Variants in FRYL observed in about 807,000 individuals in gnomAD.
FRYL encodes FRY like transcription coactivator, also known as protein furry homolog-like.
In FRYL, 150 loss-of-function variants were observed where a neutral mutation model predicts 351.2. The observed-to-expected ratio is 0.43, with a 90% confidence interval of 0.37 to 0.49. The LOEUF (loss-of-function observed/expected upper bound fraction) is 0.49, where lower values mean the gene tolerates loss of function less well. Among genes scored for constraint, FRYL ranks in the 20% least tolerant of loss-of-function variants. The pLI, the probability that FRYL is intolerant of heterozygous loss-of-function variation, is 0.00. For synonymous variants in FRYL, 1,153 were observed against 1,257.1 expected (o/e 0.92, Z 1.75); for missense variants, 3,036 against 3,619.3 (o/e 0.84, Z 4.13).
intron 1 of FRYL, among the ~76,000 whole-genome samples, chr4:48,761,514 G>A (rs1426296986): frequency 1.3e-5 from 2 of 152,002 alleles, no homozygotes; most frequent in Non-Finnish European, 2.9e-5. Flanking sequence ...AATATCCTAG[G>A]CCCTCAGATT....
Position 48,622,706 on chromosome 4 carries a change from C to T in FRYL, c.174+420G>A, listed in dbSNP as rs571573352. Among the ~76,000 whole-genome samples the T allele has an allele frequency of 8.0e-4, 121 of 151,900 alleles. 1 individual carries two copies. Among genetic ancestry groups the T allele is most frequent in the Non-Finnish European group, 8.8e-5 (6 of 67,942 alleles). On this transcript the variant is annotated intron_variant, in intron 5 of 63. Coordinates refer to ENST00000358350, the MANE Select transcript of FRYL (RefSeq NM_015030.2). ...AACAAAATTGATCCAACATTTAATC[C>T]AAGCAAGAGGAAGAATTAGCATTAG... is the stretch of plus-strand genomic sequence containing the variant.
At chr4:48,661,807 C>A (rs1335954000) in intron 3 of FRYL, among the ~76,000 whole-genome samples, 2 of 151,782 alleles carry the variant, frequency 1.3e-5, no homozygotes, top group African/African-American at 4.8e-5. Context: ...TTGATAGGTT[C>A]TTTAAACGGC....
intron 9 of FRYL, among the ~76,000 whole-genome samples, chr4:48,607,983 T>C (rs1006668792): frequency 6.6e-6 from 1 of 152,164 alleles, no homozygotes; most frequent in Admixed American, 6.6e-5. Context: ...TAAAGAGAAA[T>C]ACATCACTGC....
rs143176479 is a variant in FRYL at position 48,539,771 on chromosome 4, T to C, written c.6393+200A>G. On this transcript the variant is annotated intron_variant, in intron 47 of 63. Transcript: ENST00000358350. ...GAGGAGTGTTACTCTAACTAAATAA[T>C]TTTATTTACTGTCATTTGAGCAGTT... Among the ~76,000 whole-genome samples the C allele has an allele frequency of 1.4e-4, 21 of 152,274 alleles. No individual in the cohort carries two copies. In the East Asian group the frequency reaches 3.9e-3, roughly 28 times the overall value.
In FRYL at chr4:48,527,478, T is replaced by G; in HGVS notation, c.7316A>C (p.Glu2439Ala). The change falls in exon 53 of 64, where the codon GAG (glutamate) becomes GCG (alanine). Residue 2439 changes from glutamate to alanine, a missense_variant and splice_region_variant. Physicochemically the swap from Glu to Ala is moderately radical, Grantham distance 107. Around this residue, in one of 7 missense-constraint regions of FRYL, gnomAD observed 1,987 missense variants for 2,311.7 expected, o/e 0.86. Coordinates refer to ENST00000358350, the MANE Select transcript of FRYL (RefSeq NM_015030.2). Reference sequence around the variant, plus strand: ...AACAGAGAAAGCCCACATCCTTACCTCTGCATCTTCCAATTCAACATCTAA... The same window carrying G: ...AACAGAGAAAGCCCACATCCTTACCGCTGCATCTTCCAATTCAACATCTAA... ...DFLDVELEDA[E>A]GESMDNFNWG... 1 of 1,610,206 alleles carries G rather than the reference T, an allele frequency of 6.2e-7. No homozygotes were observed. Among genetic ancestry groups the G allele is most frequent in the South Asian group, 1.1e-5 (1 of 90,774 alleles).
At position 48,582,672 on chromosome 4, in the gene FRYL, A is replaced by G. The variant is rs778359939; in HGVS notation, c.1811T>C (p.Met604Thr). ...CTCCCGCCAATCTGGAAAATCAAGC[A>G]TTAGTGCCTGCAGAGTATTGAAAGC... is the stretch of plus-strand genomic sequence containing the variant. Reference protein sequence around the residue: ...ALAFNTLQALMLDFPDWREDV... With the variant: ...ALAFNTLQALTLDFPDWREDV... Residue 604 changes from methionine (M) to threonine (T), a missense_variant, in exon 20 of 64, where the codon ATG becomes ACG. This residue lies in a region of FRYL where 492 missense variants were observed against 551.5 expected (regional missense o/e 0.89). Transcript: ENST00000358350. 1.9e-6 allele frequency: 3 copies of G among 1,614,184 alleles called. No individual in the cohort carries two copies. Among genetic ancestry groups the G allele is most frequent in the Non-Finnish European group, 2.5e-6 (3 of 1,180,014 alleles).
chr4:48,546,285 A>C lies in FRYL; in HGVS notation c.5075-14T>G. ...CGTTAATGCCTGCTGAAAGAGAAAGATCGTCATGAATACCTAAAACATGAA... is the reference window on the plus strand; with the variant it reads ...CGTTAATGCCTGCTGAAAGAGAAAGCTCGTCATGAATACCTAAAACATGAA... On this transcript the variant is annotated splice_polypyrimidine_tract_variant and intron_variant, in intron 41 of 63. Transcript: ENST00000358350. 1.3e-6 allele frequency: 2 copies of C among 1,577,162 alleles called. No individual in the cohort carries two copies. The highest frequency in any genetic ancestry group is 8.7e-7 in the Non-Finnish European group (1 of 1,147,158).
chr4:48,545,966 A>C, intron 42 of FRYL, 101 bp downstream of exon 42: 1 of 1,028,566 alleles, frequency 9.7e-7, no homozygotes, highest in Admixed American at 2.2e-5. Context: ...ATTTCACATC[A>C]ATGGTATTTC....
At chr4:48,506,406 TAAAG>T (rs1027753585) in intron 59 of FRYL, 1 of 151,172 alleles carries the variant, frequency 6.6e-6, no homozygotes, top group Non-Finnish European at 1.5e-5. Flanking sequence ...ACTTCAAAAA[TAAAG>T]TACATTTTCT....
Position 48,543,715 on chromosome 4 carries a change from T to G in FRYL, c.5592+92A>C, listed in dbSNP as rs1037350454. The G allele has an allele frequency of 5.6e-6, 6 of 1,078,388 alleles. No homozygotes were observed. In the Admixed American group the frequency reaches 1.5e-4, roughly 27 times the overall value. The allele number at this position is 1,078,388 out of a possible 1,614,324, so 66.8% of individuals were successfully genotyped here. ...TCTGACTATAATTCTAGATGCCCAT[T>G]ATCTTGCTCTAGCTATAGCAATCTA... On this transcript the variant is annotated intron_variant, in intron 44 of 63. Coordinates refer to ENST00000358350, the MANE Select transcript of FRYL (RefSeq NM_015030.2).
At chr4:48,757,776 A>C (rs551361912) in intron 1 of FRYL, among the ~76,000 whole-genome samples, 1 of 152,344 alleles carries the variant, frequency 6.6e-6, no homozygotes, top group South Asian at 2.1e-4. Context: ...CTGCATCGCC[A>C]AGACAATCCT....
chr4:48,505,335 C>A, intron 60 of FRYL: 1 of 608,852 alleles, frequency 1.6e-6, no homozygotes, highest in South Asian at 1.7e-5. Context: ...GCTTCAGTCA[C>A]AAGCTGGTCG....
At position 48,754,278 on chromosome 4, in the gene FRYL, A is replaced by AT. The variant is rs202041626; in HGVS notation, c.-384+25799dup. ...TATCAATGGCATCATACAATATGTG[A>AT]TTTTTTTTTAAAGGTTCATGCACTT... On this transcript the variant is annotated intron_variant, in intron 1 of 63. Transcript: ENST00000358350. Among the ~76,000 whole-genome samples the AT allele has an allele frequency of 4.2e-4, 63 of 151,738 alleles. No individual in the cohort carries two copies. The East Asian group carries it at 5.2e-3, about 13-fold the overall frequency.
chr4:48,731,992 T>C (rs1216853891), intron 1 of FRYL, among the ~76,000 whole-genome samples: 1 of 152,120 alleles, frequency 6.6e-6, no homozygotes, highest in Non-Finnish European at 1.5e-5. Context: ...TGAGGCAACC[T>C]ACAGAATGGG....
intron 26 of FRYL, among the ~76,000 whole-genome samples, chr4:48,572,799 G>A (rs1468468092): frequency 1.2e-4 from 18 of 152,074 alleles, no homozygotes; most frequent in African/African-American, 3.6e-4. Flanking sequence ...GCTACCTGTC[G>A]CTGCAAATTT....
At chr4:48,670,819 T>C (rs1762531332) in intron 3 of FRYL, among the ~76,000 whole-genome samples, 1 of 152,258 alleles carries the variant, frequency 6.6e-6, no homozygotes, top group South Asian at 2.1e-4. Flanking sequence ...TGTGTGTATG[T>C]ACCACATTTT....
chr4:48,680,310 G>C (rs1489330812), intron 3 of FRYL, among the ~76,000 whole-genome samples: 1 of 151,566 alleles, frequency 6.6e-6, no homozygotes. Flanking sequence ...TTGAAAACTT[G>C]AAGCATTTTT....
chr4:48,672,976 A>G (rs1203677793), intron 3 of FRYL, among the ~76,000 whole-genome samples: 1 of 152,226 alleles, frequency 6.6e-6, no homozygotes, highest in African/African-American at 2.4e-5. Flanking sequence ...AACAAAACTG[A>G]AAAGATCACT....
chr4:48,593,862 G>T, intron 16 of FRYL, 68 bp downstream of exon 16: 1 of 669,190 alleles, frequency 1.5e-6, no homozygotes, highest in Non-Finnish European at 2.3e-6. Context: ...TAAGAGTTCT[G>T]ATTCCAGAAA....
Sources: allele counts gnomAD v4.1 joint callset (sites outside exome capture counted in the v4.1 genomes callset), GRCh38; gene constraint gnomAD v4.1.1; regional missense constraint gnomAD v4.1.1; transcripts MANE v1.5; gene names NCBI Gene and HGNC (gene_info 2026-07-23, HGNC 2026-07-21).